APBB2: variants seen among roughly 807,000 people sequenced by gnomAD.
APBB2 encodes the protein amyloid beta precursor protein binding family B member 2.
Under a neutral mutation model 82.5 loss-of-function variants are expected in APBB2, and 38 were observed. The observed-to-expected ratio is 0.46, with a 90% CI of 0.36 to 0.60. The LOEUF is 0.60. APBB2 is among the 20% of genes least tolerant of loss of function. The pLI is 0.00. For synonymous variants in APBB2, 341 were observed against 368.2 expected (o/e 0.93, Z 0.85); for missense variants, 772 against 972.3 (o/e 0.79, Z 2.74).
chr4:41,057,824 T>C (rs1050657233), intron 4 of APBB2, among the ~76,000 whole-genome samples: 38 of 152,174 alleles, frequency 2.5e-4, no homozygotes, highest in African/African-American at 8.4e-4. Context: ...TCGCAGAAGA[T>C]AGGTCTTAAG....
At position 40,918,759 on chromosome 4, in the gene APBB2, G is replaced by GT. The variant is rs1208082701; in HGVS notation, c.1254+15696dup. ...CTCCCTCCTTCCTTATTTTTTCTCTGTTTTTTTTTTTGTTTGTTTGTTTTT... is the reference window on the plus strand; with the variant it reads ...CTCCCTCCTTCCTTATTTTTTCTCTGTTTTTTTTTTTTGTTTGTTTGTTTTT... On this transcript the variant is annotated intron_variant, in intron 10 of 17. Transcript: ENST00000508593. Among the ~76,000 whole-genome samples, 419 of 84,260 alleles carry GT rather than the reference G, an allele frequency of 5.0e-3. 2 individuals carry two copies. Among genetic ancestry groups the GT allele is most frequent in the Admixed American group, 8.5e-3 (67 of 7,918 alleles). The allele number at this position is 84,260 out of a possible 152,430, so 55.3% of individuals were successfully genotyped here.
In APBB2 at chr4:41,009,295, A is replaced by G. The variant is rs116126025; in HGVS notation, c.835+4288T>C. ...AGCAAGATACAACCTTTCTTTTAGA[A>G]TCAGGGCCAAGGCACTCTTTAACTT... On this transcript the variant is annotated intron_variant, in intron 6 of 17. Coordinates refer to ENST00000508593, the MANE Select transcript of APBB2 (RefSeq NM_004307.2). Among the ~76,000 whole-genome samples, 1,252 of 152,072 alleles carry G rather than the reference A, an allele frequency of 8.2e-3. 22 individuals carry two copies. Among genetic ancestry groups the G allele is most frequent in the African/African-American group, 0.027 (1,134 of 41,324 alleles).
chr4:40,946,254 A>AAAAAAAAAAAAAAAAC (rs1553875174), intron 6 of APBB2, among the ~76,000 whole-genome samples: 2,892 of 114,280 alleles, frequency 0.025, 331 homozygotes, highest in South Asian at 0.034. Flanking sequence ...AAAAAAAAAA[A>AAAAAAAAAAAAAAAAC]CATTCCCAAG....
At chr4:40,927,829 C>T (rs1254181327) in intron 10 of APBB2, among the ~76,000 whole-genome samples, 2 of 152,174 alleles carry the variant, frequency 1.3e-5, no homozygotes, top group African/African-American at 4.8e-5. Context: ...CACCAGGTGG[C>T]AGAACATCTC....
At position 40,877,828 on chromosome 4, in the gene APBB2, G is replaced by C. The variant is rs566881763; in HGVS notation, c.1529+12536C>G. The stretch of plus-strand genomic sequence containing the variant: ...CAGGGAGGTAGGAGCCACGTGTCAT[G>C]AACTATTGTCCAGTGGCAAAGTGAC... On this transcript the variant is annotated intron_variant, in intron 12 of 17. Transcript: ENST00000508593. 5.9e-5 allele frequency among the ~76,000 whole-genome samples: 9 copies of C among 152,316 alleles called. No individual in the cohort carries two copies. In the East Asian group the frequency reaches 1.7e-3, roughly 29 times the overall value.
At chr4:40,928,917 CGAAT>C (rs1301307792) in intron 10 of APBB2, among the ~76,000 whole-genome samples, 4 of 149,520 alleles carry the variant, frequency 2.7e-5, no homozygotes, top group Admixed American at 6.8e-5. Flanking sequence ...AATGAACGAA[CGAAT>C]GAATACATGC....
chr4:41,106,462 C>CTT (rs11408479), intron 2 of APBB2, among the ~76,000 whole-genome samples: 9 of 151,768 alleles, frequency 5.9e-5, no homozygotes, highest in Non-Finnish European at 8.8e-5. Flanking sequence ...AGATTAGGCA[C>CTT]TTTTTTTTGT....
At chr4:41,134,336 T>C (rs1436618142) in intron 2 of APBB2, among the ~76,000 whole-genome samples, 2 of 151,972 alleles carry the variant, frequency 1.3e-5, no homozygotes, top group South Asian at 2.1e-4. Flanking sequence ...TCCCAGCACT[T>C]TGGGAGGCCA....
chr4:40,973,551 T>A (rs528776787), intron 6 of APBB2, among the ~76,000 whole-genome samples: 1 of 152,362 alleles, frequency 6.6e-6, no homozygotes, highest in African/African-American at 2.4e-5. Context: ...TACAGTTGTA[T>A]TTATTTCCTA....
At chr4:41,168,777 T>C (rs1767424468) in intron 1 of APBB2, among the ~76,000 whole-genome samples, 2 of 152,172 alleles carry the variant, frequency 1.3e-5, no homozygotes, top group African/African-American at 2.4e-5. Context: ...TTAAACTTAG[T>C]TGAGTGAAAT....
At chr4:41,097,147 C>T (rs762663560) in intron 3 of APBB2, among the ~76,000 whole-genome samples, 12 of 152,162 alleles carry the variant, frequency 7.9e-5, no homozygotes, top group Non-Finnish European at 1.6e-4. Context: ...GTAAAATCCT[C>T]CCTTAGGCAC....
At chr4:40,859,117 A>T (rs193175448) in intron 12 of APBB2, among the ~76,000 whole-genome samples, 20 of 152,258 alleles carry the variant, frequency 1.3e-4, no homozygotes, top group Non-Finnish European at 1.5e-5. Flanking sequence ...GGTCTGCCAG[A>T]TGTCCACAGG....
At chr4:41,099,352 C>T (rs1580014693) in intron 3 of APBB2, among the ~76,000 whole-genome samples, 2 of 152,214 alleles carry the variant, frequency 1.3e-5, no homozygotes, top group African/African-American at 4.8e-5. Context: ...CCTCAGGCTT[C>T]CGAGTAGCTG....
At chr4:40,819,234 G>A (rs1232197196) in intron 17 of APBB2, among the ~76,000 whole-genome samples, 1 of 139,212 alleles carries the variant, frequency 7.2e-6, no homozygotes, top group East Asian at 2.1e-4. Context: ...CACACAGGCT[G>A]AAGTGCAGTG....
intron 6 of APBB2, among the ~76,000 whole-genome samples, chr4:41,005,131 G>C (rs1003383522): frequency 1.3e-5 from 2 of 151,958 alleles, no homozygotes; most frequent in Non-Finnish European, 2.9e-5. Flanking sequence ...TCACTCTATT[G>C]CCCAGGCTGG....
At chr4:40,922,979 C>CTT (rs5857757) in intron 10 of APBB2, among the ~76,000 whole-genome samples, 5 of 140,616 alleles carry the variant, frequency 3.6e-5, no homozygotes, top group African/African-American at 7.9e-5. Context: ...CAATTTTTTT[C>CTT]TTTTTTTTTT....
chr4:41,205,997 A>G (rs1382851865), intron 1 of APBB2, among the ~76,000 whole-genome samples: 1 of 152,172 alleles, frequency 6.6e-6, no homozygotes, highest in Non-Finnish European at 1.5e-5. Context: ...GATATTTAGT[A>G]GCATTCTTAG....
At chr4:41,068,278 G>C (rs1732623137) in intron 3 of APBB2, among the ~76,000 whole-genome samples, 1 of 152,132 alleles carries the variant, frequency 6.6e-6, no homozygotes, top group Non-Finnish European at 1.5e-5. Flanking sequence ...AAGTGAATGT[G>C]GTCTCTATTT....
intron 2 of APBB2, among the ~76,000 whole-genome samples, chr4:41,101,319 C>T (rs993519887): frequency 1.3e-5 from 2 of 150,102 alleles, no homozygotes; most frequent in African/African-American, 4.9e-5. Context: ...AAAAAATTAG[C>T]CGGGCGCGGT....
Sources: allele counts gnomAD v4.1 joint callset (sites outside exome capture counted in the v4.1 genomes callset), GRCh38; gene constraint gnomAD v4.1.1; transcripts MANE v1.5; gene names NCBI Gene and HGNC (gene_info 2026-07-23, HGNC 2026-07-21).